Variants in RASA2 observed in about 807,000 individuals in gnomAD.
RASA2 encodes the protein ras GTPase-activating protein 2.
RASA2 carries 155 observed loss-of-function variants against 118.2 expected under a neutral mutation model. That is an observed-to-expected ratio of 1.31 (90% CI 1.15 to 1.50). The LOEUF (loss-of-function observed/expected upper bound fraction) is 1.50. RASA2 is among the 40% of genes most tolerant of loss of function. The probability of loss-of-function intolerance (pLI) is 0.00; values close to 1 mark genes in which losing one functional copy is unlikely to be tolerated. For synonymous variants in RASA2, 353 were observed against 349.1 expected, an observed-to-expected ratio of 1.01 and a Z score of -0.12; for missense variants, 1,016 against 1,009.6, an observed-to-expected ratio of 1.01 and a Z score of -0.09.
In RASA2 at chr3:141,572,655, C is replaced by G. The variant is rs146956359; in HGVS notation, c.1216C>G (p.Leu406Val). The G allele has an allele frequency of 6.2e-7, 1 of 1,613,628 alleles. No homozygotes were observed. The highest frequency in any genetic ancestry group is 2.2e-5 in the East Asian group (1 of 44,780). ...AGGAAATTCCCTGGCTACCCGATGT[C>G]TGGATGAGATGATGAAAATAGTGGG... ...FRGNSLATRC[L>V]DEMMKIVGGH... The change falls in exon 12 of 24, where the codon CTG (leucine) becomes GTG (valine). Residue 406 changes from leucine (L) to valine (V), a missense_variant. Physicochemically the swap from Leu to Val is conservative, Grantham distance 32. Coordinates refer to ENST00000286364, the MANE Select transcript of RASA2 (RefSeq NM_006506.5).
chr3:141,607,673 T>G lies in RASA2; in HGVS notation c.1934-5T>G. The G allele has an allele frequency of 6.4e-7, 1 of 1,567,768 alleles. No homozygotes were observed. Among genetic ancestry groups the G allele is most frequent in the East Asian group, 2.3e-5 (1 of 43,776 alleles). On this transcript the variant is annotated splice_polypyrimidine_tract_variant and splice_region_variant and intron_variant, in intron 19 of 23. Transcript: ENST00000286364. ...TAATTTTGTTTTACTTTTTTTATTA[T>G]TTAGGCAAAGATGCAATCTACACAA...
intron 19 of RASA2, among the ~76,000 whole-genome samples, chr3:141,595,497 A>G (rs1193064493): frequency 6.6e-6 from 1 of 152,256 alleles, no homozygotes; most frequent in East Asian, 1.9e-4. Context: ...GGCACATTTT[A>G]TAATGGCAGA....
chr3:141,613,543 ATGGTACTCT>A lies in RASA2; in HGVS notation c.*1232_*1240del, dbSNP rs2083684085. On this transcript the variant is annotated 3_prime_UTR_variant, in exon 24 of 24. Coordinates refer to ENST00000286364, the MANE Select transcript of RASA2 (RefSeq NM_006506.5). ...CTTTGCTTCATCAGTATTAAAAACC[ATGGTACTCT>A]TATTTTGTCTTTTTTAATTCAAAAC... 1 of 152,192 alleles carries A rather than the reference ATGGTACTCT, an allele frequency of 6.6e-6. No individual in the cohort carries two copies. Among genetic ancestry groups the A allele is most frequent in the Non-Finnish European group, 1.5e-5 (1 of 68,040 alleles). 9.4% of individuals were successfully genotyped at this position (152,192 alleles called of 1,614,324 possible). A position where few individuals can be genotyped will look rare whatever the true frequency, so the allele number is the denominator to read the frequency against.
chr3:141,558,960 C>G lies in RASA2; in HGVS notation c.759C>G (p.Ile253Met). 1.3e-6 allele frequency: 2 copies of G among 1,598,020 alleles called. No homozygotes were observed. Among genetic ancestry groups the G allele is most frequent in the Non-Finnish European group, 8.6e-7 (1 of 1,166,902 alleles). Residue 253 changes from isoleucine to methionine, a missense_variant and splice_region_variant, in exon 8 of 24, where the codon ATC (isoleucine) becomes ATG (methionine). Transcript: ENST00000286364. The stretch of plus-strand genomic sequence containing the variant: ...AGGAGGACATTGAAAAGCTAGAAAT[C>G]AGGTATGTGCCTTGGGGTTTTACAG... Reference protein sequence around the residue: ...VEEEDIEKLEIRIDLWNNGNL... With the variant: ...VEEEDIEKLEMRIDLWNNGNL...
chr3:141,585,344 C>T (rs2083183669), intron 17 of RASA2, among the ~76,000 whole-genome samples: 1 of 152,060 alleles, frequency 6.6e-6, no homozygotes, highest in African/African-American at 2.4e-5. Context: ...AGCCTTACAC[C>T]AGTTCAGGTT....
At chr3:141,593,800 T>C (rs894345362) in intron 19 of RASA2, among the ~76,000 whole-genome samples, 3 of 152,182 alleles carry the variant, frequency 2.0e-5, no homozygotes, top group Non-Finnish European at 2.9e-5. Flanking sequence ...AAACAAAGTA[T>C]AAAACCAACC....
chr3:141,560,950 A>G (rs981435628), intron 9 of RASA2, among the ~76,000 whole-genome samples: 1 of 152,128 alleles, frequency 6.6e-6, no homozygotes, highest in African/African-American at 2.4e-5. Flanking sequence ...AGCAGTTATC[A>G]CTTGTAGACT....
chr3:141,543,249 A>G (rs537404009), intron 5 of RASA2, among the ~76,000 whole-genome samples: 3 of 152,186 alleles, frequency 2.0e-5, no homozygotes, highest in Admixed American at 6.5e-5. Flanking sequence ...TTATACATGC[A>G]TAACTAATCA....
At chr3:141,559,864 C>G in intron 8 of RASA2, 30 bp from the exon 9 acceptor site, 1 of 1,579,950 alleles carries the variant, frequency 6.3e-7, no homozygotes, top group Non-Finnish European at 8.7e-7. Flanking sequence ...ACATTGTTTG[C>G]AAAACATAAA....
intron 4 of RASA2, among the ~76,000 whole-genome samples, chr3:141,537,142 T>C (rs533503296): frequency 1.3e-5 from 2 of 152,302 alleles, no homozygotes; most frequent in African/African-American, 2.4e-5. Context: ...CTTCTATCAG[T>C]TTTGGAAAAT....
intron 19 of RASA2, among the ~76,000 whole-genome samples, chr3:141,600,077 A>T (rs2083440034): frequency 1.3e-5 from 2 of 152,208 alleles, no homozygotes; most frequent in African/African-American, 4.8e-5. Flanking sequence ...GTAACTGCAC[A>T]CCAGGAAGGC....
In RASA2 at chr3:141,551,344, G is replaced by A. The variant is rs1426302753; in HGVS notation, c.528-2513G>A. ...CCCATGAATTACCAGGTTTTCTACT[G>A]TGGCTGATGGTACCTCTTGCTAGCC... is the stretch of plus-strand genomic sequence containing the variant. On this transcript the variant is annotated intron_variant, in intron 5 of 23. Transcript: ENST00000286364. 2.0e-5 allele frequency among the ~76,000 whole-genome samples: 3 copies of A among 152,330 alleles called. No individual in the cohort carries two copies. The East Asian group carries it at 5.8e-4, about 29-fold the overall frequency.
chr3:141,562,654 C>CAA (rs369710849), intron 9 of RASA2, among the ~76,000 whole-genome samples: 10 of 146,050 alleles, frequency 6.8e-5, no homozygotes, highest in African/African-American at 5.1e-5. Flanking sequence ...CAACAACACA[C>CAA]AAAAAAAAAC....
intron 17 of RASA2, 112 bp downstream of exon 17, chr3:141,581,289 CTG>C: frequency 1.1e-6 from 1 of 900,296 alleles, no homozygotes; most frequent in Non-Finnish European, 1.5e-6. Context: ...AATGTTTAAA[CTG>C]TTCATCAAAA....
chr3:141,576,625 A>G (rs953686420), intron 14 of RASA2, among the ~76,000 whole-genome samples: 1 of 152,260 alleles, frequency 6.6e-6, no homozygotes, highest in African/African-American at 2.4e-5. Flanking sequence ...TAAAACTGAA[A>G]GTAGCCTTGT....
chr3:141,614,222 C>A lies in RASA2; in HGVS notation c.*1909C>A, dbSNP rs1319989782. 1 of 151,864 alleles carries A rather than the reference C, an allele frequency of 6.6e-6. No individual in the cohort carries two copies. The highest frequency in any genetic ancestry group is 2.4e-5 in the African/African-American group (1 of 41,328). The allele number at this position is 151,864 out of a possible 1,614,324, so 9.4% of individuals were successfully genotyped here. On this transcript the variant is annotated 3_prime_UTR_variant, in exon 24 of 24. Coordinates refer to ENST00000286364, the MANE Select transcript of RASA2 (RefSeq NM_006506.5). ...TGTTTTAAAGATCATGGTATGATCA[C>A]AGGGACCAAGGCTGTGTGCATATAT...
At chr3:141,562,448 C>G (rs1339826075) in intron 9 of RASA2, among the ~76,000 whole-genome samples, 2 of 148,382 alleles carry the variant, frequency 1.3e-5, no homozygotes, top group Non-Finnish European at 3.0e-5. Context: ...ATGGTGAAAC[C>G]CCATCTCTAC....
intron 1 of RASA2, among the ~76,000 whole-genome samples, chr3:141,509,697 C>T (rs1230787204): frequency 6.6e-6 from 1 of 152,138 alleles, no homozygotes; most frequent in Non-Finnish European, 1.5e-5. Flanking sequence ...AATTGCTAGA[C>T]AGTGTCCTGG....
rs201351388 is a variant in RASA2 at position 141,515,046 on chromosome 3, T to TCCTTTA, written c.252-1281_252-1276dup. Among the ~76,000 whole-genome samples, 1,080 of 152,248 alleles carry TCCTTTA rather than the reference T, an allele frequency of 7.1e-3. 14 individuals carry two copies. The highest frequency in any genetic ancestry group is 0.025 in the African/African-American group (1,035 of 41,534). ...AGAACTTTCTGGGGAGATAGCAGTGTCCTTTATTTTGATTGGGGTGGAAGC... is the reference window on the plus strand; with the variant it reads ...AGAACTTTCTGGGGAGATAGCAGTGTCCTTTACCTTTATTTTGATTGGGGTGGAAGC... On this transcript the variant is annotated intron_variant, in intron 2 of 23. Coordinates refer to ENST00000286364, the MANE Select transcript of RASA2 (RefSeq NM_006506.5).
Sources: gnomAD v4.1 joint callset for allele counts (sites outside exome capture counted in the v4.1 genomes callset) on GRCh38, gnomAD v4.1.1 for gene constraint, MANE v1.5 for transcripts, NCBI Gene and HGNC (gene_info 2026-07-23, HGNC 2026-07-21) for gene names.